SPTLC1: variants seen among roughly 807,000 people sequenced by gnomAD.
The protein encoded by SPTLC1 is serine palmitoyltransferase long chain base subunit 1.
Under a neutral mutation model 68.9 loss-of-function variants are expected in SPTLC1, and 55 were observed. The observed-to-expected ratio is 0.80, with a 90% CI of 0.64 to 1.00. The LOEUF (loss-of-function observed/expected upper bound fraction) is 1.00. Ranked by LOEUF, SPTLC1 falls within the 50% of genes least tolerant of loss-of-function variation. The pLI is 0.00. For synonymous variants in SPTLC1, 197 were observed against 201.6 expected (o/e 0.98, Z 0.19); for missense variants, 449 against 573.1 (o/e 0.78, Z 2.21).
At chr9:92,105,029 G>A in intron 3 of SPTLC1, 2 of 1,525,926 alleles carry the variant, frequency 1.3e-6, no homozygotes, top group Admixed American at 2.0e-5. Context: ...AGAGAAGGCG[G>A]CCTTGAAGGT....
At chr9:92,052,723 G>A (rs1306022609) in intron 8 of SPTLC1, among the ~76,000 whole-genome samples, 1 of 151,316 alleles carries the variant, frequency 6.6e-6, no homozygotes, top group Non-Finnish European at 1.5e-5. Flanking sequence ...GTAGAGACGG[G>A]GTTTTACCAT....
chr9:92,083,909 T>C (rs545199442), intron 3 of SPTLC1, among the ~76,000 whole-genome samples: 64 of 152,362 alleles, frequency 4.2e-4, no homozygotes, highest in Middle Eastern at 3.4e-3. Context: ...TATCCTCTTT[T>C]ATTTCCTTGA....
chr9:92,106,272 G>A (rs936264898), intron 3 of SPTLC1, among the ~76,000 whole-genome samples: 7 of 152,014 alleles, frequency 4.6e-5, no homozygotes, highest in Admixed American at 2.6e-4. Context: ...AAAGGAGATT[G>A]AGATCATTCT....
In SPTLC1 at chr9:92,034,834, T is replaced by C. The variant is rs1205031181; in HGVS notation, c.1304A>G (p.Glu435Gly). The C allele has an allele frequency of 6.2e-7, 1 of 1,614,086 alleles. No homozygotes were observed. The highest frequency in any genetic ancestry group is 8.5e-7 in the Non-Finnish European group (1 of 1,180,038). The change falls in exon 14 of 15, where the codon GAA (glutamate) becomes GGA (glycine). Residue 435 changes from glutamate (E) to glycine (G), a missense_variant. Physicochemically the swap from Glu to Gly is moderately conservative, Grantham distance 98. This residue lies in a region of SPTLC1 where 391 missense variants were observed against 472.1 expected (regional missense o/e 0.83). Transcript: ENST00000262554. ...CCTGGGAGGAGGGAGACACTTCTCT[T>C]CTTTCTCCAAGTAGCGCGCCTGAGT... ...ALTQARYLEK[E>G]EKCLPPPSIR...
chr9:92,082,396 C>G (rs1328227744), intron 3 of SPTLC1, among the ~76,000 whole-genome samples: 1 of 121,412 alleles, frequency 8.2e-6, no homozygotes, highest in African/African-American at 3.1e-5. Flanking sequence ...CCCCTCCCCC[C>G]ACCCCACAAC....
At chr9:92,039,927 T>A (rs985552081) in intron 12 of SPTLC1, among the ~76,000 whole-genome samples, 4 of 152,210 alleles carry the variant, frequency 2.6e-5, no homozygotes, top group Non-Finnish European at 5.9e-5. Context: ...ATGTGGAATG[T>A]GGGGGAACCT....
intron 5 of SPTLC1, among the ~76,000 whole-genome samples, chr9:92,078,565 C>A (rs562645248): frequency 2.0e-5 from 3 of 152,322 alleles, no homozygotes; most frequent in African/African-American, 7.2e-5. Context: ...ATCAAGGGAT[C>A]CTCCTGCCTC....
intron 6 of SPTLC1, among the ~76,000 whole-genome samples, chr9:92,065,372 C>G (rs1489275633): frequency 6.6e-6 from 1 of 152,166 alleles, no homozygotes; most frequent in Non-Finnish European, 1.5e-5. Flanking sequence ...CCATGTTTAC[C>G]TCTAGCACTC....
intron 2 of SPTLC1, chr9:92,110,310 ACCT>A (rs1324491515): frequency 6.6e-6 from 1 of 151,900 alleles, no homozygotes; most frequent in Non-Finnish European, 1.5e-5. Context: ...ACCTCTACCC[ACCT>A]CCTCTTCTCC....
intron 3 of SPTLC1, among the ~76,000 whole-genome samples, chr9:92,106,318 AC>A (rs1381762037): frequency 1.3e-5 from 2 of 152,016 alleles, no homozygotes; most frequent in Non-Finnish European, 2.9e-5. Flanking sequence ...TACTGAAAAT[AC>A]AAAAATTAGG....
intron 7 of SPTLC1, among the ~76,000 whole-genome samples, chr9:92,056,349 C>T (rs148734962): frequency 0.033 from 5,070 of 152,252 alleles, 215 homozygotes; most frequent in Middle Eastern, 0.12. Flanking sequence ...CTGCCTCAGC[C>T]TCCCGAGTAG....
intron 3 of SPTLC1, among the ~76,000 whole-genome samples, chr9:92,097,013 TTAAAG>T (rs1170851765): frequency 6.6e-6 from 1 of 152,294 alleles, no homozygotes; most frequent in African/African-American, 2.4e-5. Context: ...AGCTAAGTGA[TTAAAG>T]TAGACATTTC....
At chr9:92,104,623 G>A in intron 3 of SPTLC1, 1 of 1,488,448 alleles carries the variant, frequency 6.7e-7, no homozygotes, top group East Asian at 2.5e-5. Context: ...ATGAGCAGGT[G>A]ATCCCAGCCA....
chr9:92,073,522 TGAGAACAAA>T (rs1356497875), intron 5 of SPTLC1, among the ~76,000 whole-genome samples: 1 of 152,112 alleles, frequency 6.6e-6, no homozygotes, highest in African/African-American at 2.4e-5. Flanking sequence ...AGGAGACCAC[TGAGAACAAA>T]GGTGAAAACC....
At chr9:92,107,283 C>A (rs750531049) in intron 3 of SPTLC1, among the ~76,000 whole-genome samples, 1 of 152,122 alleles carries the variant, frequency 6.6e-6, no homozygotes, top group South Asian at 2.1e-4. Context: ...CAGAAATAGA[C>A]CCTTTAGAAG....
intron 5 of SPTLC1, among the ~76,000 whole-genome samples, chr9:92,077,908 A>G (rs370797259): frequency 1.3e-5 from 2 of 151,718 alleles, no homozygotes; most frequent in East Asian, 1.9e-4. Context: ...TTCCCTTGCC[A>G]CCCTCTACCC....
chr9:92,064,591 C>G (rs141442176), intron 6 of SPTLC1, among the ~76,000 whole-genome samples: 173 of 152,324 alleles, frequency 1.1e-3, no homozygotes, highest in African/African-American at 4.0e-3. Context: ...AACATAGCAA[C>G]TGCATTCCTT....
chr9:92,055,774 C>T (rs1383847265), intron 7 of SPTLC1, among the ~76,000 whole-genome samples: 1 of 152,162 alleles, frequency 6.6e-6, no homozygotes, highest in Non-Finnish European at 1.5e-5. Flanking sequence ...CCCTCCAAAC[C>T]TCCAACTGGG....
intron 5 of SPTLC1, among the ~76,000 whole-genome samples, chr9:92,073,492 C>G (rs1294118553): frequency 6.6e-6 from 1 of 152,130 alleles, no homozygotes; most frequent in South Asian, 2.1e-4. Context: ...CATATAAAGC[C>G]GTGAATTATG....
Sources: gnomAD v4.1 joint callset for allele counts (sites outside exome capture counted in the v4.1 genomes callset) on GRCh38, gnomAD v4.1.1 for gene constraint, gnomAD v4.1.1 regional missense constraint, MANE v1.5 for transcripts, NCBI Gene and HGNC (gene_info 2026-07-23, HGNC 2026-07-21) for gene names.